The following ZBTB46 variants were observed in gnomAD, a reference collection of about 807,000 sequenced individuals.
ZBTB46 encodes zinc finger and BTB domain-containing protein 46.
A neutral mutation model predicts 44.1 loss-of-function variants in ZBTB46; 8 were observed. The ratio of observed to expected loss-of-function variants is 0.18; its 90% CI spans 0.11 to 0.33. The LOEUF is 0.33. Among genes scored for constraint, ZBTB46 ranks in the 10% least tolerant of loss-of-function variants. The probability of loss-of-function intolerance (pLI) is 1.00; values close to 1 mark genes in which losing one functional copy is unlikely to be tolerated. For synonymous variants in ZBTB46, 409 were observed against 382.3 expected (o/e 1.07, Z -0.81); for missense variants, 651 against 847.7 (o/e 0.77, Z 2.88).
intron 2 of ZBTB46, among the ~76,000 whole-genome samples, chr20:63,779,406 AT>A (rs59166121): frequency 3.1e-3 from 329 of 105,340 alleles, no homozygotes; most frequent in African/African-American, 0.011. Flanking sequence ...ACGCCGGCTA[AT>A]TTTTTTTTTT....
chr20:63,802,720 A>G (rs1601505365), intron 1 of ZBTB46, among the ~76,000 whole-genome samples: 1 of 126,826 alleles, frequency 7.9e-6, no homozygotes. Context: ...GGCCCCCAGC[A>G]CCCTCCCAGG....
At chr20:63,774,688 GGTTTTTTTTGTTTTTTTTTTT>G (rs2092406227) in intron 3 of ZBTB46, among the ~76,000 whole-genome samples, 1 of 103,506 alleles carries the variant, frequency 9.7e-6, no homozygotes, top group Admixed American at 1.1e-4. Flanking sequence ...GGCTGCGGTG[GGTTTTTTTTGTTTTTTTTTTT>G]GTTTTTTTTT....
At chr20:63,805,497 A>G (rs190283119) in intron 1 of ZBTB46, among the ~76,000 whole-genome samples, 10 of 152,210 alleles carry the variant, frequency 6.6e-5, no homozygotes, top group African/African-American at 2.2e-4. Flanking sequence ...GGGAGGAGAG[A>G]AGGTCATGTG....
At chr20:63,760,996 GCT>G (rs1491105217) in intron 3 of ZBTB46, among the ~76,000 whole-genome samples, 10 of 118,490 alleles carry the variant, frequency 8.4e-5, no homozygotes, top group African/African-American at 3.4e-4. Flanking sequence ...TTCATTGATA[GCT>G]CTTTTTTTTT....
intron 1 of ZBTB46, among the ~76,000 whole-genome samples, chr20:63,809,980 G>C (rs1474895091): frequency 2.7e-5 from 4 of 150,570 alleles, no homozygotes; most frequent in African/African-American, 4.9e-5. Context: ...AAAAAGAAAA[G>C]AAAACTCTAA....
intron 3 of ZBTB46, among the ~76,000 whole-genome samples, chr20:63,774,780 T>C (rs55754920): frequency 0.54 from 78,933 of 145,788 alleles, 21,641 homozygotes; most frequent in Admixed American, 0.62. Flanking sequence ...CTCGGCTCAC[T>C]GCAAGCTCTG....
intron 2 of ZBTB46, among the ~76,000 whole-genome samples, chr20:63,779,498 C>T (rs1247577282): frequency 1.4e-5 from 2 of 147,770 alleles, no homozygotes; most frequent in Admixed American, 6.9e-5. Flanking sequence ...TGGCTCACTG[C>T]AAGCTCCGCC....
chr20:63,754,135 G>A (rs1259504639), intron 3 of ZBTB46, among the ~76,000 whole-genome samples: 3 of 152,204 alleles, frequency 2.0e-5, no homozygotes, highest in Non-Finnish European at 2.9e-5. Context: ...CGGAGGCCCC[G>A]CCTGGCACGG....
intron 1 of ZBTB46, among the ~76,000 whole-genome samples, chr20:63,802,834 G>A (rs1267980298): frequency 2.0e-5 from 3 of 149,064 alleles, no homozygotes; most frequent in Admixed American, 6.7e-5. Context: ...CCCAGGAACC[G>A]CCGCGGCCGA....
At chr20:63,818,656 C>T (rs2092773634) in intron 1 of ZBTB46, among the ~76,000 whole-genome samples, 1 of 151,942 alleles carries the variant, frequency 6.6e-6, no homozygotes, top group Non-Finnish European at 1.5e-5. Context: ...GAGTTCGAGA[C>T]CAGCCTGGCC....
intron 3 of ZBTB46, among the ~76,000 whole-genome samples, chr20:63,774,525 CG>C (rs1399658164): frequency 1.3e-5 from 2 of 151,992 alleles, no homozygotes; most frequent in African/African-American, 2.4e-5. Flanking sequence ...CATCTCATGC[CG>C]GACTCGCTCC....
At chr20:63,808,493 G>C (rs1411830609) in intron 1 of ZBTB46, among the ~76,000 whole-genome samples, 1 of 152,122 alleles carries the variant, frequency 6.6e-6, no homozygotes. Flanking sequence ...AGGGAAGGGG[G>C]AAGCCAGGCT....
At chr20:63,760,858 A>G (rs2092268411) in intron 3 of ZBTB46, among the ~76,000 whole-genome samples, 1 of 150,802 alleles carries the variant, frequency 6.6e-6, no homozygotes. Flanking sequence ...GTGCAATCAT[A>G]GCTCACTGTA....
chr20:63,815,797 T>A (rs2092749379), intron 1 of ZBTB46, among the ~76,000 whole-genome samples: 3 of 142,294 alleles, frequency 2.1e-5, no homozygotes, highest in Non-Finnish European at 4.5e-5. Flanking sequence ...GCAGGTGCAG[T>A]GGGTACAGAT....
At position 63,747,017 on chromosome 20, in the gene ZBTB46, C is replaced by T. The variant is rs1293542281; in HGVS notation, c.1683G>A (p.Leu561=). ...CTTCCTCATCCTTGTCGTCCGCCAA[C>T]AGCGCATCCTCAGGGGCCAGGCCCT... ...DDEGLAPEDA[L]LADDKDEEDS... The change falls in exon 5 of 5, where the codon CTG becomes CTA. Residue 561 remains leucine (L), a synonymous_variant. Transcript: ENST00000245663. The T allele has an allele frequency of 6.2e-7, 1 of 1,608,216 alleles. No homozygotes were observed.
intron 3 of ZBTB46, among the ~76,000 whole-genome samples, chr20:63,766,575 T>G (rs928792033): frequency 6.6e-6 from 1 of 151,840 alleles, no homozygotes; most frequent in Admixed American, 6.6e-5. Context: ...CAACTGATAT[T>G]AAAACTCCAA....
At chr20:63,792,369 G>A (rs2092568042) in intron 1 of ZBTB46, among the ~76,000 whole-genome samples, 1 of 152,160 alleles carries the variant, frequency 6.6e-6, no homozygotes, top group Admixed American at 6.5e-5. Context: ...AGCGAGCGTG[G>A]GAGTATTACA....
chr20:63,766,967 C>G (rs139248680), intron 3 of ZBTB46, among the ~76,000 whole-genome samples: 17 of 152,330 alleles, frequency 1.1e-4, no homozygotes, highest in Middle Eastern at 6.8e-3. Context: ...GCCTATCCCC[C>G]TCCTGAGCCC....
In ZBTB46 at chr20:63,752,704, G is replaced by A. The variant is rs780913155; in HGVS notation, c.1380C>T (p.His460=). 1.3e-6 allele frequency: 2 copies of A among 1,596,464 alleles called. No homozygotes were observed. The highest frequency in any genetic ancestry group is 1.7e-6 in the Non-Finnish European group (2 of 1,171,742). ...ICGKKFTRRE[H]MKRHTLVHSK... The stretch of plus-strand genomic sequence containing the variant: ...CACTCACCAGCGTGTGGCGCTTCAT[G>A]TGCTCGCGCCGCGTGAACTTCTTCC... The change falls in exon 4 of 5, where the codon CAC becomes CAT. Residue 460 remains histidine, a synonymous_variant. Coordinates refer to ENST00000245663, the MANE Select transcript of ZBTB46 (RefSeq NM_001369741.1). This position sits in a 1 kb window ranked among gnomAD's most constrained non-coding sequence, Gnocchi z 5.6.
Sources: allele counts gnomAD v4.1 joint callset (sites outside exome capture counted in the v4.1 genomes callset), GRCh38; gene constraint gnomAD v4.1.1; non-coding constraint Gnocchi (gnomAD v3.1); transcripts MANE v1.5; gene names NCBI Gene and HGNC (gene_info 2026-07-23, HGNC 2026-07-21).